The following NELL1 variants were observed in gnomAD, a reference collection of about 807,000 sequenced individuals.
The protein encoded by NELL1 is protein kinase C-binding protein NELL1.
A neutral mutation model predicts 107.4 loss-of-function variants in NELL1; 76 were observed. The observed-to-expected ratio is 0.71, with a 90% CI of 0.59 to 0.86. NELL1 has a LOEUF of 0.86. Ranked by LOEUF, NELL1 falls within the 40% of genes least tolerant of loss-of-function variation. The pLI is 0.00. For synonymous variants in NELL1, 353 were observed against 341.2 expected, an observed-to-expected ratio of 1.03 and a Z score of -0.38; for missense variants, 1,024 against 1,005.5, an observed-to-expected ratio of 1.02 and a Z score of -0.25.
chr11:20,998,871 G>A (rs1266856793), intron 12 of NELL1, among the ~76,000 whole-genome samples: 2 of 152,094 alleles, frequency 1.3e-5, no homozygotes, highest in African/African-American at 2.4e-5. Flanking sequence ...TTGCTTTTAT[G>A]GAGCTCTTCC....
chr11:20,931,197 C>T (rs1564972985), intron 9 of NELL1, among the ~76,000 whole-genome samples: 1 of 151,056 alleles, frequency 6.6e-6, no homozygotes. Context: ...TGTTGGAGTA[C>T]AGAAGAATGG....
At chr11:20,765,660 G>A (rs540827819) in intron 2 of NELL1, among the ~76,000 whole-genome samples, 1 of 152,238 alleles carries the variant, frequency 6.6e-6, no homozygotes, top group African/African-American at 2.4e-5. Flanking sequence ...TTGTGTATTA[G>A]TTGGTGGAAT....
At chr11:20,748,911 C>CCCAGCCACCCAT (rs373792895) in intron 2 of NELL1, among the ~76,000 whole-genome samples, 36 of 144,022 alleles carry the variant, frequency 2.5e-4, no homozygotes, top group African/African-American at 8.9e-4. Context: ...CACCCAGCCA[C>CCCAGCCACCCAT]CCATCCATCC....
rs112782174 is a variant in NELL1, at chr11:21,533,893, A to G, written c.1646-481A>G. 2.5e-4 allele frequency among the ~76,000 whole-genome samples: 38 copies of G among 152,310 alleles called. 2 individuals are homozygous for G. Among genetic ancestry groups the G allele is most frequent in the Middle Eastern group, 3.4e-3 (1 of 294 alleles). On this transcript the variant is annotated intron_variant, in intron 15 of 19. Transcript: ENST00000357134. ...CAATCTTATCTCAAAGCTTTGCAGG[A>G]CATATAATTATGACAAGTCTCTGGG...
chr11:21,379,853 T>C (rs965608972), intron 15 of NELL1, among the ~76,000 whole-genome samples: 26 of 152,110 alleles, frequency 1.7e-4, no homozygotes, highest in African/African-American at 6.0e-4. Flanking sequence ...TCATATTTTA[T>C]ATCTTGCCTG....
rs369815711 is a variant in NELL1, at chr11:21,011,450, C to A, written c.1300+50890C>A. ...ATTCTGGCATGACAAAGATCAGTAACAAATACTGTACCTGAGTTTCCTATG... is the reference window on the plus strand; with the variant it reads ...ATTCTGGCATGACAAAGATCAGTAAAAAATACTGTACCTGAGTTTCCTATG... On this transcript the variant is annotated intron_variant, in intron 12 of 19. Transcript: ENST00000357134. Among the ~76,000 whole-genome samples the A allele has an allele frequency of 2.6e-5, 4 of 152,126 alleles. No homozygotes were observed. The East Asian group carries it at 7.7e-4, about 29-fold the overall frequency.
intron 13 of NELL1, among the ~76,000 whole-genome samples, chr11:21,205,813 A>G (rs1857378213): frequency 6.6e-6 from 1 of 152,128 alleles, no homozygotes; most frequent in African/African-American, 2.4e-5. Flanking sequence ...ATGTACTGAT[A>G]TTTTACTGCT....
intron 2 of NELL1, among the ~76,000 whole-genome samples, chr11:20,710,807 G>T (rs981885564): frequency 1.3e-5 from 2 of 151,890 alleles, no homozygotes; most frequent in African/African-American, 2.4e-5. Context: ...TCTAGTTTGT[G>T]TGAGCAAAGG....
chr11:20,960,686 A>T, intron 12 of NELL1, 126 bp downstream of exon 12: 1 of 1,065,296 alleles, frequency 9.4e-7, no homozygotes, highest in Admixed American at 2.2e-5. Context: ...AAGAAATCAT[A>T]TCAATTGCTG....
chr11:21,224,536 A>T (rs540240581), intron 13 of NELL1, among the ~76,000 whole-genome samples: 1 of 152,120 alleles, frequency 6.6e-6, no homozygotes, highest in South Asian at 2.1e-4. Flanking sequence ...CTATTTTTTA[A>T]AAATAGGTTT....
intron 12 of NELL1, among the ~76,000 whole-genome samples, chr11:21,089,525 G>T (rs12804032): frequency 6.6e-6 from 1 of 152,054 alleles, no homozygotes; most frequent in Admixed American, 6.5e-5. Context: ...ATATTTGTAC[G>T]GCTAACTATA....
intron 14 of NELL1, among the ~76,000 whole-genome samples, chr11:21,331,895 T>TC (rs1225101886): frequency 6.6e-6 from 1 of 152,024 alleles, no homozygotes; most frequent in African/African-American, 2.4e-5. Flanking sequence ...AGCTTGAACT[T>TC]CCCCACTCTC....
intron 2 of NELL1, among the ~76,000 whole-genome samples, chr11:20,752,974 C>G (rs1400676550): frequency 6.6e-6 from 1 of 152,190 alleles, no homozygotes; most frequent in East Asian, 1.9e-4. Flanking sequence ...AGATGACACA[C>G]ACACACACTT....
chr11:21,162,443 C>A (rs578064751), intron 13 of NELL1, among the ~76,000 whole-genome samples: 1 of 152,096 alleles, frequency 6.6e-6, no homozygotes, highest in Non-Finnish European at 1.5e-5. Context: ...ACTAGATTAA[C>A]GTATTTGAAG....
At chr11:21,499,032 A>T (rs1855065715) in intron 15 of NELL1, among the ~76,000 whole-genome samples, 1 of 151,918 alleles carries the variant, frequency 6.6e-6, no homozygotes, top group African/African-American at 2.4e-5. Flanking sequence ...CTGAATATTC[A>T]TTTTTTTATC....
intron 17 of NELL1, among the ~76,000 whole-genome samples, chr11:21,563,406 T>C (rs1404829692): frequency 6.6e-6 from 1 of 151,892 alleles, no homozygotes; most frequent in Non-Finnish European, 1.5e-5. Flanking sequence ...CCACTTGTCA[T>C]ATATGGTAGA....
chr11:21,493,480 A>G (rs1375268879), intron 15 of NELL1, among the ~76,000 whole-genome samples: 1 of 152,024 alleles, frequency 6.6e-6, no homozygotes, highest in Non-Finnish European at 1.5e-5. Flanking sequence ...GAGACAAGCC[A>G]GGCACAGAAA....
chr11:21,338,833 C>A (rs1293981888), intron 14 of NELL1, among the ~76,000 whole-genome samples: 3 of 152,108 alleles, frequency 2.0e-5, no homozygotes, highest in African/African-American at 7.2e-5. Context: ...TCAAGAGGAG[C>A]AGAGATTGGT....
chr11:21,378,410 G>T lies in NELL1; in HGVS notation c.1645+7462G>T, dbSNP rs1433964209. On this transcript the variant is annotated intron_variant, in intron 15 of 19. Transcript: ENST00000357134. Reference sequence around the variant, plus strand: ...AAGTACTTAGGGTTTACTGTGATTAGAAAATGCTTAACCATTCAAGAGCCA... The same window carrying T: ...AAGTACTTAGGGTTTACTGTGATTATAAAATGCTTAACCATTCAAGAGCCA... 4.6e-5 allele frequency among the ~76,000 whole-genome samples: 7 copies of T among 151,742 alleles called. No homozygotes were observed. The East Asian group carries it at 1.2e-3, about 25-fold the overall frequency.
Sources: allele counts gnomAD v4.1 joint callset (sites outside exome capture counted in the v4.1 genomes callset), GRCh38; gene constraint gnomAD v4.1.1; transcripts MANE v1.5; gene names NCBI Gene and HGNC (gene_info 2026-07-23, HGNC 2026-07-21).